SYCP3: variants seen among roughly 807,000 people sequenced by gnomAD.
The protein encoded by SYCP3 is synaptonemal complex protein 3.
A neutral mutation model predicts 38.5 loss-of-function variants in SYCP3; 29 were observed. The observed-to-expected ratio is 0.75, with a 90% confidence interval of 0.56 to 1.03. The LOEUF (loss-of-function observed/expected upper bound fraction) is 1.03, where lower values mean the gene tolerates loss of function less well. SYCP3 is among the 50% of genes least tolerant of loss of function. SYCP3 has a pLI of 0.00. For synonymous variants in SYCP3, 79 were observed against 80.3 expected (o/e 0.98, Z 0.08); for missense variants, 242 against 270.7 (o/e 0.89, Z 0.74).
intron 5 of SYCP3, among the ~76,000 whole-genome samples, chr12:101,734,163 G>C (rs954456022): frequency 3.3e-5 from 5 of 152,200 alleles, no homozygotes; most frequent in African/African-American, 1.2e-4. Context: ...TACGATACAA[G>C]ATTGGTGTTC....
intron 6 of SYCP3, 115 bp downstream of exon 6, chr12:101,733,460 C>T (rs1050645541): frequency 1.1e-6 from 1 of 909,466 alleles, no homozygotes; most frequent in Non-Finnish European, 1.8e-6. Context: ...GTTTAAAACA[C>T]ATGGCCAGCA....
In SYCP3 at chr12:101,729,202, C is replaced by A; in HGVS notation, c.564G>T (p.Glu188Asp). ...GTAGATTATCATGATTCTTCTCCAA[C>A]TCTTCCATACTCTAAAAACACAAAA... Reference protein sequence around the residue: ...LYEQFIKSMEELEKNHDNLLT... With the variant: ...LYEQFIKSMEDLEKNHDNLLT... Residue 188 changes from glutamate (E) to aspartate (D), a missense_variant, in exon 8 of 9, where the codon GAG (glutamate) becomes GAT (aspartate). Coordinates refer to ENST00000392924, the MANE Select transcript of SYCP3 (RefSeq NM_001177949.2). 6.2e-7 allele frequency: 1 copy of A among 1,612,908 alleles called. No individual in the cohort carries two copies. The highest frequency in any genetic ancestry group is 8.5e-7 in the Non-Finnish European group (1 of 1,179,450).
chr12:101,739,437 G>A lies in SYCP3; in HGVS notation c.-104C>T. 2 of 1,002,742 alleles carry A rather than the reference G, an allele frequency of 2.0e-6. No homozygotes were observed. Among genetic ancestry groups the A allele is most frequent in the Non-Finnish European group, 2.4e-6 (2 of 830,350 alleles). 62.1% of individuals were successfully genotyped at this position (1,002,742 alleles called of 1,614,324 possible). A position where few individuals can be genotyped will look rare whatever the true frequency, so the allele number is the denominator to read the frequency against. ...TCCTCCACAAGCGCGCTTCACCTGA[G>A]GTGGCCCCTTCTCCGCGACGCTTCT... is the stretch of plus-strand genomic sequence containing the variant. On this transcript the variant is annotated 5_prime_UTR_variant, in exon 1 of 9. Coordinates refer to ENST00000392924, the MANE Select transcript of SYCP3 (RefSeq NM_001177949.2).
At chr12:101,736,708 A>ATGTGTGTGTG (rs34377603) in intron 4 of SYCP3, among the ~76,000 whole-genome samples, 1 of 149,026 alleles carries the variant, frequency 6.7e-6, no homozygotes, top group African/African-American at 2.5e-5. Flanking sequence ...ATGTATGTAT[A>ATGTGTGTGTG]TGTGTGTGTG....
intron 1 of SYCP3, 148 bp downstream of exon 1, chr12:101,739,203 C>A: frequency 2.6e-5 from 14 of 537,120 alleles, no homozygotes; most frequent in Non-Finnish European, 2.8e-5. Context: ...TAGGCCCTAT[C>A]CTGCTCAAGG....
chr12:101,733,535 T>C, intron 6 of SYCP3, 40 bp downstream of exon 6: 2 of 1,570,080 alleles, frequency 1.3e-6, no homozygotes, highest in Non-Finnish European at 1.7e-6. Context: ...CCATTCCTAC[T>C]TGAGACTTGG....
chr12:101,733,075 T>C, intron 6 of SYCP3: 1 of 99,980 alleles, frequency 1.0e-5, no homozygotes, highest in Admixed American at 8.4e-5. Flanking sequence ...GGGCAAATGA[T>C]CCAAACTCCC....
intron 4 of SYCP3, among the ~76,000 whole-genome samples, chr12:101,736,488 TTAATA>T (rs1431292775): frequency 6.6e-6 from 1 of 152,146 alleles, no homozygotes; most frequent in African/African-American, 2.4e-5. Flanking sequence ...TTATTGATAC[TTAATA>T]TATTATTTAA....
intron 1 of SYCP3, among the ~76,000 whole-genome samples, 200 bp from the exon 2 acceptor site, chr12:101,738,152 G>C (rs187765259): frequency 6.6e-6 from 1 of 152,078 alleles, no homozygotes; most frequent in Non-Finnish European, 1.5e-5. Context: ...GGCCAAGCAC[G>C]GTAGCTCACG....
At position 101,737,029 on chromosome 12, in the gene SYCP3, A is replaced by G. The variant is rs1250261207; in HGVS notation, c.235+8T>C. 1 of 1,613,622 alleles carries G rather than the reference A, an allele frequency of 6.2e-7. No individual in the cohort carries two copies. The highest frequency in any genetic ancestry group is 8.5e-7 in the Non-Finnish European group (1 of 1,179,782). ...TTTCTTTAAATACAAGTATCTCCTAAAACCTACCTCCAACTCCTTCCAGCA... is the reference window on the plus strand; with the variant it reads ...TTTCTTTAAATACAAGTATCTCCTAGAACCTACCTCCAACTCCTTCCAGCA... On this transcript the variant is annotated splice_region_variant and intron_variant, in intron 4 of 8. Transcript: ENST00000392924.
chr12:101,733,996 T>C (rs1321953549), intron 5 of SYCP3, among the ~76,000 whole-genome samples: 1 of 152,168 alleles, frequency 6.6e-6, no homozygotes, highest in East Asian at 1.9e-4. Flanking sequence ...CTATTGAATA[T>C]AGATTCTGAT....
chr12:101,730,490 A>AT, intron 7 of SYCP3: 3 of 391,698 alleles, frequency 7.7e-6, no homozygotes, highest in Middle Eastern at 8.7e-4. Context: ...GTGTGTGTAT[A>AT]ATTTTTTTTT....
intron 4 of SYCP3, among the ~76,000 whole-genome samples, chr12:101,736,203 A>AT: frequency 6.6e-6 from 1 of 152,098 alleles, no homozygotes; most frequent in Non-Finnish European, 1.5e-5. Flanking sequence ...ATTTCATAAA[A>AT]TGTTTACTAC....
chr12:101,735,701 A>G (rs1952383330), intron 4 of SYCP3, among the ~76,000 whole-genome samples: 1 of 151,502 alleles, frequency 6.6e-6, no homozygotes, highest in African/African-American at 2.4e-5. Flanking sequence ...ATTTATCTAA[A>G]TTTATAAAAT....
At position 101,734,993 on chromosome 12, in the gene SYCP3, G is replaced by C; in HGVS notation, c.287C>G (p.Thr96Ser). The change falls in exon 5 of 9, where the codon ACC becomes AGC. Residue 96 changes from threonine (T) to serine (S), a missense_variant. Physicochemically the swap from Thr to Ser is moderately conservative, Grantham distance 58. Transcript: ENST00000392924. ...GTTACTAGTTTTGAGAGAAGCCTTG[G>C]TATACATTTCTAGTCTCTTTCTCTT... ...LAKRKRLEMY[T>S]KASLKTSNQK... 1 of 1,613,466 alleles carries C rather than the reference G, an allele frequency of 6.2e-7. No individual in the cohort carries two copies. The highest frequency in any genetic ancestry group is 8.5e-7 in the Non-Finnish European group (1 of 1,179,644).
intron 7 of SYCP3, chr12:101,729,506 A>C (rs1952088535): frequency 3.4e-6 from 1 of 294,386 alleles, no homozygotes; most frequent in Middle Eastern, 1.2e-3. Context: ...ATCAGTAAAA[A>C]CCATTTCTAT....
chr12:101,733,729 T>A (rs555536895), intron 5 of SYCP3, 55 bp from the exon 6 acceptor site: 1 of 1,528,798 alleles, frequency 6.5e-7, no homozygotes, highest in East Asian at 2.3e-5. Flanking sequence ...TAAAAAGAAT[T>A]TAAAACAAAA....
At chr12:101,732,346 A>G (rs1952223138) in intron 6 of SYCP3, 1 of 152,180 alleles carries the variant, frequency 6.6e-6, no homozygotes, top group Admixed American at 6.6e-5. Context: ...CATCCTATCT[A>G]TTTTACACTG....
intron 7 of SYCP3, among the ~76,000 whole-genome samples, chr12:101,730,104 A>G (rs1479687386): frequency 6.6e-6 from 1 of 152,192 alleles, no homozygotes; most frequent in African/African-American, 2.4e-5. Context: ...GAAGAGATAT[A>G]TTTTTAAAAG....
Sources: allele counts gnomAD v4.1 joint callset (sites outside exome capture counted in the v4.1 genomes callset), GRCh38; gene constraint gnomAD v4.1.1; transcripts MANE v1.5; gene names NCBI Gene and HGNC (gene_info 2026-07-23, HGNC 2026-07-21).